FGGY: variants seen among roughly 807,000 people sequenced by gnomAD.
FGGY encodes FGGY carbohydrate kinase domain containing.
FGGY carries 72 observed loss-of-function variants against 71.3 expected under a neutral mutation model. The ratio of observed to expected loss-of-function variants is 1.01; its 90% CI spans 0.84 to 1.23. The LOEUF (loss-of-function observed/expected upper bound fraction) is 1.23. Among genes scored for constraint, FGGY ranks in the 50% most tolerant of loss-of-function variants. The pLI, the probability that FGGY is intolerant of heterozygous loss-of-function variation, is 0.00. For synonymous variants in FGGY, 251 were observed against 250.3 expected (o/e 1.00, Z -0.02); for missense variants, 668 against 682.3 (o/e 0.98, Z 0.23).
In FGGY at chr1:59,697,712, T is replaced by C. The variant is rs79912083; in HGVS notation, c.1512+23579T>C. ...ATGGGAAGCAGTATTTGAGAAGAAA[T>C]CAGACTCTCTTCTTCCAGTCTTTTG... On this transcript the variant is annotated intron_variant, in intron 14 of 15. Transcript: ENST00000303721. The C allele has an allele frequency of 8.7e-3, 11,321 of 1,302,494 alleles. 818 individuals are homozygous for C. The African/African-American group carries it at 0.15, about 18-fold the overall frequency. 80.7% of individuals were successfully genotyped at this position (1,302,494 alleles called of 1,614,324 possible). A position where few individuals can be genotyped will look rare whatever the true frequency, so the allele number is the denominator to read the frequency against.
At chr1:59,653,889 G>T (rs998103816) in intron 11 of FGGY, among the ~76,000 whole-genome samples, 1 of 152,072 alleles carries the variant, frequency 6.6e-6, no homozygotes, top group Non-Finnish European at 1.5e-5. Context: ...CTACTGTGTC[G>T]CTTGACTGAC....
At chr1:59,441,865 G>T (rs1472975453) in intron 5 of FGGY, among the ~76,000 whole-genome samples, 1 of 152,114 alleles carries the variant, frequency 6.6e-6, no homozygotes, top group Non-Finnish European at 1.5e-5. Context: ...TTTCACATCT[G>T]GGGGCAGGAT....
chr1:59,672,430 C>A (rs576180898), intron 13 of FGGY, among the ~76,000 whole-genome samples: 13 of 152,340 alleles, frequency 8.5e-5, no homozygotes, highest in African/African-American at 3.1e-4. Context: ...CCCCATTTTA[C>A]ATTTGGGATG....
chr1:59,470,685 T>C (rs1261416267), intron 6 of FGGY, among the ~76,000 whole-genome samples: 2 of 152,226 alleles, frequency 1.3e-5, no homozygotes, highest in Non-Finnish European at 2.9e-5. Context: ...ATGCATTATG[T>C]CCAGTGCTGG....
chr1:59,614,832 A>G (rs2096733241), intron 9 of FGGY, among the ~76,000 whole-genome samples: 2 of 152,222 alleles, frequency 1.3e-5, no homozygotes, highest in African/African-American at 4.8e-5. Context: ...TGCAAAAATC[A>G]CAAGCATTCT....
intron 8 of FGGY, among the ~76,000 whole-genome samples, chr1:59,597,497 C>T (rs545137559): frequency 2.7e-4 from 41 of 152,102 alleles, no homozygotes; most frequent in Non-Finnish European, 4.9e-4. Flanking sequence ...AAGATAGTGT[C>T]AAGTCTTTTA....
intron 5 of FGGY, among the ~76,000 whole-genome samples, chr1:59,394,377 G>A (rs1347065139): frequency 6.6e-6 from 1 of 152,158 alleles, no homozygotes; most frequent in African/African-American, 2.4e-5. Context: ...ATCCTTCATG[G>A]AGGAAGGATA....
intron 6 of FGGY, among the ~76,000 whole-genome samples, chr1:59,491,615 T>C (rs997820754): frequency 6.6e-6 from 1 of 152,120 alleles, no homozygotes; most frequent in Non-Finnish European, 1.5e-5. Flanking sequence ...TGGTAGAATG[T>C]TTAGGTTTCT....
intron 7 of FGGY, among the ~76,000 whole-genome samples, chr1:59,537,320 A>G (rs2153679171): frequency 6.6e-6 from 1 of 152,314 alleles, no homozygotes; most frequent in South Asian, 2.1e-4. Flanking sequence ...AAGGAGAACT[A>G]CAAACCACTG....
intron 2 of FGGY, among the ~76,000 whole-genome samples, chr1:59,336,427 A>T (rs895029722): frequency 6.6e-6 from 1 of 151,248 alleles, no homozygotes; most frequent in Non-Finnish European, 1.5e-5. Context: ...TTTCTATTCA[A>T]TTTTGTCAGT....
chr1:59,458,297 G>A (rs1209018371), intron 6 of FGGY, among the ~76,000 whole-genome samples: 4 of 152,140 alleles, frequency 2.6e-5, no homozygotes, highest in Non-Finnish European at 4.4e-5. Context: ...TGAGCTGTTT[G>A]ACATAAGGAT....
At chr1:59,449,347 A>T (rs2072085555) in intron 5 of FGGY, among the ~76,000 whole-genome samples, 1 of 152,178 alleles carries the variant, frequency 6.6e-6, no homozygotes. Context: ...GCAATGGCAC[A>T]ATCTCGGCTC....
At chr1:59,678,589 CAA>C (rs1242356945) in intron 14 of FGGY, among the ~76,000 whole-genome samples, 1 of 152,144 alleles carries the variant, frequency 6.6e-6, no homozygotes, top group South Asian at 2.1e-4. Context: ...AATCAAATGG[CAA>C]AGAGACAGCA....
chr1:59,508,173 T>G (rs149763814), intron 6 of FGGY, among the ~76,000 whole-genome samples: 539 of 152,306 alleles, frequency 3.5e-3, no homozygotes, highest in Middle Eastern at 6.8e-3. Flanking sequence ...CCACCCTAAC[T>G]GGACCCTCCA....
At chr1:59,430,734 T>G (rs2067199508) in intron 5 of FGGY, among the ~76,000 whole-genome samples, 1 of 152,160 alleles carries the variant, frequency 6.6e-6, no homozygotes, top group Admixed American at 6.5e-5. Context: ...TGGTCATATA[T>G]CTCAGTGTCG....
At chr1:59,405,936 G>C (rs1460926623) in intron 5 of FGGY, among the ~76,000 whole-genome samples, 1 of 143,340 alleles carries the variant, frequency 7.0e-6, no homozygotes, top group Non-Finnish European at 1.5e-5. Context: ...TTTTCTTTTT[G>C]AAATCTGATA....
intron 10 of FGGY, among the ~76,000 whole-genome samples, chr1:59,631,776 C>A: frequency 6.6e-6 from 1 of 152,186 alleles, no homozygotes; most frequent in Non-Finnish European, 1.5e-5. Context: ...AAGTGTTTTG[C>A]AAGCTTATAA....
At chr1:59,488,092 A>G (rs530353896) in intron 6 of FGGY, among the ~76,000 whole-genome samples, 4 of 152,246 alleles carry the variant, frequency 2.6e-5, no homozygotes, top group South Asian at 2.1e-4. Context: ...TTAAGGTGAC[A>G]TTATTGCATA....
At chr1:59,435,093 A>C (rs1340751923) in intron 5 of FGGY, among the ~76,000 whole-genome samples, 1 of 152,204 alleles carries the variant, frequency 6.6e-6, no homozygotes, top group Non-Finnish European at 1.5e-5. Context: ...GAGAATATCC[A>C]AGATACATGG....
Sources: allele counts gnomAD v4.1 joint callset (sites outside exome capture counted in the v4.1 genomes callset), GRCh38; gene constraint gnomAD v4.1.1; transcripts MANE v1.5; gene names NCBI Gene and HGNC (gene_info 2026-07-23, HGNC 2026-07-21).